The following ANKRD30A variants were observed in gnomAD, a reference collection of about 807,000 sequenced individuals.
The protein encoded by ANKRD30A is ankyrin repeat domain-containing protein 30A.
ANKRD30A carries 170 observed loss-of-function variants against 166.3 expected under a neutral mutation model. That is an observed-to-expected ratio of 1.02 (90% confidence interval 0.90 to 1.16). ANKRD30A has a LOEUF of 1.16. Ranked by LOEUF, ANKRD30A falls within the 50% of genes most tolerant of loss-of-function variation. The pLI is 0.00. For missense variants in ANKRD30A, 1,630 were observed against 1,518.0 expected, an observed-to-expected ratio of 1.07 and a Z score of -1.23; for synonymous variants, 564 against 508.9, an observed-to-expected ratio of 1.11 and a Z score of -1.46.
At chr10:37,155,018 G>C (rs2132570410) in intron 13 of ANKRD30A, among the ~76,000 whole-genome samples, 1 of 152,248 alleles carries the variant, frequency 6.6e-6, no homozygotes, top group Middle Eastern at 3.4e-3. Flanking sequence ...AGCAAATTGT[G>C]TTGGTAAAAT....
chr10:37,143,100 C>T (rs1164818290), intron 7 of ANKRD30A, among the ~76,000 whole-genome samples: 1 of 152,142 alleles, frequency 6.6e-6, no homozygotes, highest in Non-Finnish European at 1.5e-5. Context: ...AATGTAATTA[C>T]TGTGATTAGC....
chr10:37,148,506 GC>G (rs1453766754), intron 9 of ANKRD30A, among the ~76,000 whole-genome samples: 1 of 151,862 alleles, frequency 6.6e-6, no homozygotes, highest in East Asian at 1.9e-4. Context: ...GGCATTCTAG[GC>G]AGGTAACGGG....
chr10:37,195,244 TTC>T (rs1840982558), intron 27 of ANKRD30A, among the ~76,000 whole-genome samples: 1 of 152,186 alleles, frequency 6.6e-6, no homozygotes, highest in Non-Finnish European at 1.5e-5. Context: ...TGAGTCTTTT[TTC>T]TCTTTTTCTT....
At position 37,126,091 on chromosome 10, in the gene ANKRD30A, G is replaced by T. The variant is rs1835990740; in HGVS notation, c.221+83G>T. On this transcript the variant is annotated intron_variant, in intron 1 of 35. Transcript: ENST00000361713. ...GCCCCTTCAGAGTCGGGGGCTGGGGGGCCTGGGGAAGAAGGGAGCAGGTGG... is the reference window on the plus strand; with the variant it reads ...GCCCCTTCAGAGTCGGGGGCTGGGGTGCCTGGGGAAGAAGGGAGCAGGTGG... 1.2e-5 allele frequency: 18 copies of T among 1,474,608 alleles called. No individual in the cohort carries two copies. The South Asian group carries it at 1.4e-4, about 11-fold the overall frequency. The allele number at this position is 1,474,608 out of a possible 1,614,324, so 91.3% of individuals were successfully genotyped here.
chr10:37,149,546 C>A, intron 9 of ANKRD30A, 105 bp from the exon 10 acceptor site: 1 of 1,375,970 alleles, frequency 7.3e-7, no homozygotes, highest in Non-Finnish European at 1.0e-6. Flanking sequence ...AGTATTCGTT[C>A]TCAAAGTCGA....
Position 37,191,654 on chromosome 10 carries a change from C to T in ANKRD30A, c.2513-1410C>T, listed in dbSNP as rs1387509141. On this transcript the variant is annotated intron_variant, in intron 25 of 35. Coordinates refer to ENST00000361713, the MANE Select transcript of ANKRD30A (RefSeq NM_052997.3). ...GTTGTACAATGTTGTTGTCATTCTA[C>T]AGCAACTTTTTAATTTTTGTTCAGC... 3.3e-5 allele frequency among the ~76,000 whole-genome samples: 5 copies of T among 151,964 alleles called. No homozygotes were observed. The East Asian group carries it at 7.7e-4, about 23-fold the overall frequency.
intron 9 of ANKRD30A, 63 bp from the exon 10 acceptor site, chr10:37,149,588 A>G (rs1837758581): frequency 9.1e-6 from 14 of 1,540,654 alleles, no homozygotes; most frequent in Non-Finnish European, 9.8e-6. Context: ...CTATGACTGC[A>G]TTCATTTGGT....
Position 37,162,788 on chromosome 10 carries a change from A to G in ANKRD30A, c.1942A>G (p.Met648Val), listed in dbSNP as rs1169797064. 1.2e-6 allele frequency: 2 copies of G among 1,613,788 alleles called. No homozygotes were observed. Among genetic ancestry groups the G allele is most frequent in the Non-Finnish European group, 1.7e-6 (2 of 1,179,806 alleles). ...CAACCCCATTTAGCCTGCCACTGAA[A>G]TGCAAAAGTCTGTCCCAAATAAAGC... Reference protein sequence around the residue: ...KPSAFEPATEMQKSVPNKALE... With the variant: ...KPSAFEPATEVQKSVPNKALE... The change falls in exon 17 of 36, where the codon ATG (methionine) becomes GTG (valine). Residue 648 changes from methionine (M) to valine (V), a missense_variant. Physicochemically the swap from Met to Val is conservative, Grantham distance 21. Coordinates refer to ENST00000361713, the MANE Select transcript of ANKRD30A (RefSeq NM_052997.3).
At chr10:37,149,403 T>A (rs1356967080) in intron 9 of ANKRD30A, among the ~76,000 whole-genome samples, 3 of 152,102 alleles carry the variant, frequency 2.0e-5, no homozygotes, top group Admixed American at 2.0e-4. Context: ...ATCAACCCTT[T>A]TTACACGTGA....
At chr10:37,247,899 G>GA in the ANKRD30A span, among the ~76,000 whole-genome samples, 1 of 144,424 alleles carries the variant, frequency 6.9e-6, no homozygotes. Flanking sequence ...AAAAAAAAAA[G>GA]AAAAAATAAC....
At chr10:37,194,498 G>A (rs192751123) in intron 27 of ANKRD30A, among the ~76,000 whole-genome samples, 3 of 151,944 alleles carry the variant, frequency 2.0e-5, no homozygotes, top group Non-Finnish European at 4.4e-5. Flanking sequence ...GTGCCACCAC[G>A]CCTGGCTAAT....
intron 30 of ANKRD30A, among the ~76,000 whole-genome samples, chr10:37,200,694 TG>T (rs1235025548): frequency 6.6e-6 from 1 of 152,150 alleles, no homozygotes; most frequent in African/African-American, 2.4e-5. Flanking sequence ...GTCAAAAACT[TG>T]TTGCTGATTT....
At chr10:37,153,771 T>TG in intron 13 of ANKRD30A, 109 bp downstream of exon 13, 1 of 1,468,820 alleles carries the variant, frequency 6.8e-7, no homozygotes, top group Non-Finnish European at 9.3e-7. Flanking sequence ...ATGCAAACCA[T>TG]GGAAAAAAAG....
the ANKRD30A span, among the ~76,000 whole-genome samples, chr10:37,259,848 G>GCTCC: frequency 2.6e-5 from 4 of 152,144 alleles, no homozygotes; most frequent in African/African-American, 9.7e-5. Context: ...TGCAGAGGGG[G>GCTCC]CTCCGGGTGT....
At chr10:37,262,472 T>A in the ANKRD30A span, 1 of 156,176 alleles carries the variant, frequency 6.4e-6, no homozygotes. Flanking sequence ...AACTCTTCTG[T>A]CTTTCCACAG....
intron 12 of ANKRD30A, among the ~76,000 whole-genome samples, chr10:37,152,631 T>C (rs573153166): frequency 1.3e-5 from 2 of 152,250 alleles, no homozygotes; most frequent in African/African-American, 2.4e-5. Flanking sequence ...AAGAAAAGCA[T>C]GAGGAATAGG....
the ANKRD30A span, among the ~76,000 whole-genome samples, chr10:37,239,474 T>C: frequency 1.3e-5 from 2 of 152,126 alleles, no homozygotes; most frequent in African/African-American, 4.8e-5. Flanking sequence ...GTATTTAAGG[T>C]TCTGTGCTGA....
At chr10:37,159,772 G>A (rs572432125) in intron 15 of ANKRD30A, among the ~76,000 whole-genome samples, 6 of 151,980 alleles carry the variant, frequency 3.9e-5, no homozygotes, top group Admixed American at 1.3e-4. Flanking sequence ...CTCGGCTCAC[G>A]CAAGCTCTGC....
intron 13 of ANKRD30A, among the ~76,000 whole-genome samples, chr10:37,154,174 C>T (rs1358526478): frequency 1.3e-5 from 2 of 152,150 alleles, no homozygotes; most frequent in Non-Finnish European, 2.9e-5. Flanking sequence ...GGGATGGAAG[C>T]ACCTGACCAT....
Sources: allele counts gnomAD v4.1 joint callset (sites outside exome capture counted in the v4.1 genomes callset), GRCh38; gene constraint gnomAD v4.1.1; transcripts MANE v1.5; gene names NCBI Gene and HGNC (gene_info 2026-07-23, HGNC 2026-07-21).